NAV3: variants seen among roughly 807,000 people sequenced by gnomAD.
The protein encoded by NAV3 is neuron navigator 3, also known as pore membrane and/or filament interacting like protein 1.
In NAV3, 87 loss-of-function variants were observed where a neutral mutation model predicts 244.7. The observed-to-expected ratio is 0.36, with a 90% CI of 0.30 to 0.42. NAV3 has a LOEUF of 0.42. Among genes scored for constraint, NAV3 ranks in the 20% least tolerant of loss-of-function variants. NAV3 has a pLI of 1.00. For missense variants in NAV3, 2,663 were observed against 2,893.3 expected, an observed-to-expected ratio of 0.92 and a Z score of 1.83; for synonymous variants, 1,126 against 1,042.2, an observed-to-expected ratio of 1.08 and a Z score of -1.55.
At chr12:77,987,814 G>C (rs1444060979) in intron 5 of NAV3, among the ~76,000 whole-genome samples, 1 of 152,110 alleles carries the variant, frequency 6.6e-6, no homozygotes, top group Non-Finnish European at 1.5e-5. Flanking sequence ...ATTGAGATTG[G>C]GGTTTGAAAT....
intron 23 of NAV3, among the ~76,000 whole-genome samples, chr12:78,168,281 A>G (rs529982078): frequency 2.0e-5 from 3 of 151,892 alleles, no homozygotes; most frequent in Non-Finnish European, 2.9e-5. Flanking sequence ...CAAATAATCA[A>G]TTTTGCAGGC....
chr12:77,782,456 T>C (rs1313975822), intron 2 of NAV3, among the ~76,000 whole-genome samples: 4 of 152,172 alleles, frequency 2.6e-5, no homozygotes, highest in African/African-American at 9.7e-5. Context: ...GAAAAGCTTA[T>C]GATTCAAATA....
At chr12:77,715,421 T>G (rs942090072) in intron 2 of NAV3, among the ~76,000 whole-genome samples, 2 of 151,934 alleles carry the variant, frequency 1.3e-5, no homozygotes, top group Non-Finnish European at 2.9e-5. Flanking sequence ...TGTCTAATAT[T>G]TTTAAAGTTG....
At chr12:78,112,114 AC>A (rs1223369361) in intron 12 of NAV3, among the ~76,000 whole-genome samples, 5 of 152,112 alleles carry the variant, frequency 3.3e-5, no homozygotes, top group Non-Finnish European at 5.9e-5. Flanking sequence ...CTCCACTGAC[AC>A]CTCTGACACT....
chr12:77,904,238 C>A (rs1885677893), intron 1 of NAV3, among the ~76,000 whole-genome samples: 1 of 152,150 alleles, frequency 6.6e-6, no homozygotes, highest in Non-Finnish European at 1.5e-5. Flanking sequence ...AGACTTGGAA[C>A]CAAGCCAAAT....
chr12:77,998,512 A>G (rs1872724629), intron 7 of NAV3, 36 bp downstream of exon 7: 2 of 1,567,202 alleles, frequency 1.3e-6, no homozygotes, highest in African/African-American at 1.4e-5. Flanking sequence ...CACAAGTCCA[A>G]CATGAGTCTT....
At chr12:77,707,594 G>A (rs949128879) in intron 2 of NAV3, among the ~76,000 whole-genome samples, 1 of 152,164 alleles carries the variant, frequency 6.6e-6, no homozygotes, top group African/African-American at 2.4e-5. Context: ...GGATGGCTGG[G>A]TCAAATGGTA....
intron 12 of NAV3, among the ~76,000 whole-genome samples, chr12:78,104,748 A>G (rs1235256533): frequency 6.6e-6 from 1 of 152,174 alleles, no homozygotes; most frequent in Non-Finnish European, 1.5e-5. Flanking sequence ...AAGCCATGCA[A>G]CTGCTACCAC....
chr12:77,812,796 A>G (rs903499458), intron 2 of NAV3, among the ~76,000 whole-genome samples: 12 of 151,996 alleles, frequency 7.9e-5, no homozygotes, highest in Admixed American at 7.2e-4. Context: ...ATTGACACAG[A>G]TATTGTTTAT....
chr12:77,672,059 GAAAC>G, intron 2 of NAV3, among the ~76,000 whole-genome samples: 1 of 152,014 alleles, frequency 6.6e-6, no homozygotes, highest in South Asian at 2.1e-4. Context: ...AAATCAGCAA[GAAAC>G]AAACAAGCAA....
At chr12:78,150,718 G>T (rs938753997) in intron 22 of NAV3, among the ~76,000 whole-genome samples, 11 of 149,712 alleles carry the variant, frequency 7.3e-5, no homozygotes, top group Admixed American at 2.0e-4. Flanking sequence ...AATAATCTTC[G>T]GAGTGAACTC....
At chr12:78,053,240 A>ATCTG (rs1555269819) in intron 11 of NAV3, among the ~76,000 whole-genome samples, 4 of 150,442 alleles carry the variant, frequency 2.7e-5, no homozygotes, top group African/African-American at 4.9e-5. Flanking sequence ...TATAATATAT[A>ATCTG]TATGTATGTA....
At position 78,122,225 on chromosome 12, in the gene NAV3, G is replaced by A. The variant is rs2138695324; in HGVS notation, c.4035G>A (p.Val1345=). ...ACTCTTTCACATCAGGTGGTCTCGT[G>A]TGGGCTGCCAATATGAGCAGTTCCT... is the stretch of plus-strand genomic sequence containing the variant. ...SVHSFTSGGL[V]WAANMSSSSA... is the part of the protein sequence containing the mutation. Residue 1345 remains valine, a synonymous_variant, in exon 16 of 40, where the codon GTG becomes GTA. Coordinates refer to ENST00000397909, the MANE Select transcript of NAV3 (RefSeq NM_001024383.2). 6.2e-7 allele frequency: 1 copy of A among 1,614,098 alleles called. No individual in the cohort carries two copies. Among genetic ancestry groups the A allele is most frequent in the South Asian group, 1.1e-5 (1 of 91,080 alleles).
intron 1 of NAV3, among the ~76,000 whole-genome samples, chr12:77,866,819 G>A (rs1380633474): frequency 2.0e-5 from 3 of 152,120 alleles, no homozygotes; most frequent in Non-Finnish European, 4.4e-5. Context: ...ATTCTTCCAT[G>A]AAATAACATG....
intron 1 of NAV3, among the ~76,000 whole-genome samples, chr12:77,925,065 A>T (rs144581766): frequency 6.6e-6 from 1 of 152,200 alleles, no homozygotes; most frequent in Non-Finnish European, 1.5e-5. Flanking sequence ...TCAAAAATTT[A>T]ACTTTACTTT....
At chr12:77,591,825 A>G (rs1310800259) in intron 2 of NAV3, among the ~76,000 whole-genome samples, 1 of 152,228 alleles carries the variant, frequency 6.6e-6, no homozygotes, top group East Asian at 1.9e-4. Flanking sequence ...ATGTATACAT[A>G]TATGTTTAAG....
At chr12:78,140,166 G>A in intron 19 of NAV3, 116 bp from the exon 20 acceptor site, 1 of 817,886 alleles carries the variant, frequency 1.2e-6, no homozygotes. Flanking sequence ...GAATCTTATA[G>A]TTAGTTGTTA....
At chr12:77,962,132 G>T (rs1241482209) in intron 3 of NAV3, among the ~76,000 whole-genome samples, 1 of 151,810 alleles carries the variant, frequency 6.6e-6, no homozygotes, top group Non-Finnish European at 1.5e-5. Flanking sequence ...ATACTTCCCG[G>T]TGGCTTTGTT....
At chr12:78,205,678 T>A (rs78376609) in intron 39 of NAV3, among the ~76,000 whole-genome samples, 12,507 of 152,080 alleles carry the variant, frequency 0.082, 660 homozygotes, top group Non-Finnish European at 0.13. Context: ...AATAAAAGTC[T>A]GTAAAACTCC....
Sources: allele counts gnomAD v4.1 joint callset (sites outside exome capture counted in the v4.1 genomes callset), GRCh38; gene constraint gnomAD v4.1.1; transcripts MANE v1.5; gene names NCBI Gene and HGNC (gene_info 2026-07-23, HGNC 2026-07-21).